Variants in STK24 observed in about 807,000 individuals in gnomAD.
STK24 encodes serine/threonine kinase 24.
STK24 carries 21 observed loss-of-function variants against 55.6 expected under a neutral mutation model. The observed-to-expected ratio is 0.38, with a 90% CI of 0.27 to 0.54. The LOEUF is 0.54. STK24 is among the 20% of genes least tolerant of loss of function. STK24 has a pLI of 0.79. For missense variants in STK24, 383 were observed against 538.4 expected, an observed-to-expected ratio of 0.71 and a Z score of 2.86; for synonymous variants, 200 against 215.2, an observed-to-expected ratio of 0.93 and a Z score of 0.62.
intron 2 of STK24, among the ~76,000 whole-genome samples, chr13:98,498,938 T>C (rs1490274391): frequency 6.6e-6 from 1 of 151,666 alleles, no homozygotes; most frequent in Admixed American, 6.6e-5. Context: ...CATGATTCCA[T>C]CCTCAACGGT....
chr13:98,552,642 C>T (rs1286017244), intron 1 of STK24, among the ~76,000 whole-genome samples: 3 of 152,130 alleles, frequency 2.0e-5, no homozygotes, highest in Non-Finnish European at 1.5e-5. Context: ...TCCAGGGTGG[C>T]TACCGAGGGC....
Position 98,448,542 on chromosome 13 carries a change from TTAGC to T in STK24, c.*4627_*4630del, listed in dbSNP as rs1893008888. The T allele has an allele frequency of 1.3e-5, 7 of 552,688 alleles. No individual in the cohort carries two copies. The South Asian group carries it at 1.5e-4, about 12-fold the overall frequency. The allele number at this position is 552,688 out of a possible 1,614,324, so 34.2% of individuals were successfully genotyped here. On this transcript the variant is annotated 3_prime_UTR_variant, in exon 11 of 11. Transcript: ENST00000539966. ...TGGCATCCGCTGGGGGCGCTGTTCT[TTAGC>T]TAGTGCCAGTATTAAAACATTGTCA...
intron 2 of STK24, among the ~76,000 whole-genome samples, chr13:98,517,417 G>T (rs3858777): frequency 6.6e-6 from 1 of 151,966 alleles, no homozygotes; most frequent in South Asian, 2.1e-4. Context: ...CCTGAGGTCA[G>T]AAGTTCGAGA....
Position 98,498,399 on chromosome 13 carries a change from C to A in STK24, c.274-16078G>T, listed in dbSNP as rs559428941. Among the ~76,000 whole-genome samples the A allele has an allele frequency of 4.8e-4, 73 of 152,218 alleles. 1 individual carries two copies. The highest frequency in any genetic ancestry group is 8.1e-4 in the Non-Finnish European group (55 of 68,040). ...TGTGGCTGGAGGGAAAGTCTCTCCTCCTACAGTCACTGGGCTGAGATTGCT... is the reference window on the plus strand; with the variant it reads ...TGTGGCTGGAGGGAAAGTCTCTCCTACTACAGTCACTGGGCTGAGATTGCT... On this transcript the variant is annotated intron_variant, in intron 2 of 10. Transcript: ENST00000539966.
rs1047362626 is a variant in STK24 at position 98,531,534 on chromosome 13, C to T, written c.43-12061G>A. ...CCTTAGGGACTCCCCCAGTCAGATC[C>T]TGGGGCTCCACACACCAGCCAACCC... On this transcript the variant is annotated intron_variant, in intron 1 of 10. Coordinates refer to ENST00000539966, the MANE Select transcript of STK24 (RefSeq NM_001032296.4). 3.3e-5 allele frequency among the ~76,000 whole-genome samples: 5 copies of T among 152,122 alleles called. No homozygotes were observed. The South Asian group carries it at 1.0e-3, about 32-fold the overall frequency.
intron 5 of STK24, among the ~76,000 whole-genome samples, chr13:98,467,885 A>C (rs1893981321): frequency 6.6e-6 from 1 of 152,238 alleles, no homozygotes; most frequent in Non-Finnish European, 1.5e-5. Context: ...ATGAGGCAGG[A>C]CATAGTCCTA....
intron 9 of STK24, among the ~76,000 whole-genome samples, chr13:98,459,700 G>A (rs1458021628): frequency 6.6e-6 from 1 of 152,260 alleles, no homozygotes; most frequent in East Asian, 1.9e-4. Context: ...GCAAACAGAT[G>A]CGTGTGTGGC....
intron 1 of STK24, chr13:98,521,726 C>G: frequency 1.3e-6 from 1 of 772,190 alleles, no homozygotes. Flanking sequence ...GAAACATACC[C>G]CGTTTTCAGC....
At chr13:98,572,906 T>C (rs569732573) in intron 1 of STK24, among the ~76,000 whole-genome samples, 22 of 152,316 alleles carry the variant, frequency 1.4e-4, no homozygotes, top group African/African-American at 5.1e-4. Flanking sequence ...GAAATCAATC[T>C]AGTGTTGCAA....
intron 1 of STK24, chr13:98,521,752 T>A: frequency 1.3e-6 from 1 of 779,630 alleles, no homozygotes; most frequent in Non-Finnish European, 2.4e-6. Context: ...CTATCCTCGC[T>A]GCTTTCATGC....
At chr13:98,566,198 C>CA (rs376268502) in intron 1 of STK24, among the ~76,000 whole-genome samples, 161 of 151,996 alleles carry the variant, frequency 1.1e-3, no homozygotes, top group Non-Finnish European at 1.5e-3. Flanking sequence ...TTCTTTTCCT[C>CA]AAAAAAAATG....
intron 1 of STK24, among the ~76,000 whole-genome samples, chr13:98,568,648 C>T (rs530469121): frequency 6.6e-6 from 1 of 152,104 alleles, no homozygotes; most frequent in Non-Finnish European, 1.5e-5. Context: ...ATGTGGATCA[C>T]CTGAGGTCAG....
chr13:98,458,233 G>A (rs1893547770), intron 9 of STK24, among the ~76,000 whole-genome samples: 1 of 152,154 alleles, frequency 6.6e-6, no homozygotes, highest in African/African-American at 2.4e-5. Flanking sequence ...TCTCTCTGGA[G>A]GCCCAAAAAC....
chr13:98,536,360 C>CTT (rs34138053), intron 1 of STK24, among the ~76,000 whole-genome samples: 52 of 146,866 alleles, frequency 3.5e-4, no homozygotes, highest in African/African-American at 1.3e-3. Flanking sequence ...CTTCTTCTAT[C>CTT]TTTTTTTTTT....
chr13:98,457,379 C>A, intron 9 of STK24, 75 bp from the exon 10 acceptor site: 1 of 1,591,924 alleles, frequency 6.3e-7, no homozygotes, highest in Non-Finnish European at 8.5e-7. Context: ...GTTCAAGGAA[C>A]AACACGGCGT....
intron 2 of STK24, among the ~76,000 whole-genome samples, chr13:98,483,720 G>T (rs1265451830): frequency 6.6e-6 from 1 of 152,208 alleles, no homozygotes; most frequent in Admixed American, 6.5e-5. Context: ...AAACTCAAGT[G>T]CTCAGGGACA....
At chr13:98,536,272 C>T (rs1418556542) in intron 1 of STK24, among the ~76,000 whole-genome samples, 3 of 152,176 alleles carry the variant, frequency 2.0e-5, no homozygotes, top group Admixed American at 2.0e-4. Flanking sequence ...CCTGCAAGCT[C>T]CAGGCCAACA....
rs1021835527 is a variant in STK24, at chr13:98,452,311, T to C, written c.*862A>G. On this transcript the variant is annotated 3_prime_UTR_variant, in exon 11 of 11. Coordinates refer to ENST00000539966, the MANE Select transcript of STK24 (RefSeq NM_001032296.4). ...CAGCAGTGGCACGATTCCAAACAAATGTCAGACGAGAGCGCTTCATGGGGA... is the reference window on the plus strand; with the variant it reads ...CAGCAGTGGCACGATTCCAAACAAACGTCAGACGAGAGCGCTTCATGGGGA... 1.3e-5 allele frequency: 2 copies of C among 152,390 alleles called. No individual in the cohort carries two copies. Among genetic ancestry groups the C allele is most frequent in the African/African-American group, 4.8e-5 (2 of 41,398 alleles). The allele number at this position is 152,390 out of a possible 1,614,324, so 9.4% of individuals were successfully genotyped here.
At chr13:98,510,972 C>T (rs575710951) in intron 2 of STK24, among the ~76,000 whole-genome samples, 1 of 152,260 alleles carries the variant, frequency 6.6e-6, no homozygotes, top group East Asian at 1.9e-4. Flanking sequence ...TAAGGCTATT[C>T]CGAACAACCA....
Sources: gnomAD v4.1 joint callset for allele counts (sites outside exome capture counted in the v4.1 genomes callset) on GRCh38, gnomAD v4.1.1 for gene constraint, MANE v1.5 for transcripts, NCBI Gene and HGNC (gene_info 2026-07-23, HGNC 2026-07-21) for gene names.